Variants in SLC35E4 observed in about 807,000 individuals in gnomAD.
SLC35E4 encodes the protein solute carrier family 35 member E4, also known as solute carrier family 35, member E4.
SLC35E4 carries 15 observed loss-of-function variants against 19.3 expected under a neutral mutation model. The observed-to-expected ratio is 0.78, with a 90% CI of 0.52 to 1.20. SLC35E4 has a LOEUF of 1.20. Ranked by LOEUF, SLC35E4 falls within the 50% of genes most tolerant of loss-of-function variation. The pLI, the probability that SLC35E4 is intolerant of heterozygous loss-of-function variation, is 0.00. For synonymous variants in SLC35E4, 219 were observed against 219.9 expected (o/e 1.00, Z 0.04); for missense variants, 406 against 472.3 (o/e 0.86, Z 1.30).
chr22:30,656,021 G>A (rs1314840863), intron 2 of SLC35E4, among the ~76,000 whole-genome samples: 4 of 151,814 alleles, frequency 2.6e-5, no homozygotes, highest in Non-Finnish European at 4.4e-5. Context: ...TGCTGAGGAC[G>A]CAGTGCAGTG....
At chr22:30,657,274 AAAACACACAC>A in intron 2 of SLC35E4, among the ~76,000 whole-genome samples, 1 of 51,054 alleles carries the variant, frequency 2.0e-5, no homozygotes, top group East Asian at 8.1e-4. Flanking sequence ...GTCTCTACTA[AAAACACACAC>A]ACACACACAC....
In SLC35E4 at chr22:30,636,732, C is replaced by T; in HGVS notation, c.282C>T (p.Cys94=). Residue 94 remains cysteine (C), a synonymous_variant, in exon 1 of 2, where the codon TGC becomes TGT. Transcript: ENST00000343605. ...ACATGCTGGTGGCAGCCCTGGCATGCCACCGGGGGGCACGGCGCCCCATGC... is the reference window on the plus strand; with the variant it reads ...ACATGCTGGTGGCAGCCCTGGCATGTCACCGGGGGGCACGGCGCCCCATGC... The part of the protein sequence containing the change: ...ALHMLVAALA[C]HRGARRPMPG... The T allele has an allele frequency of 6.2e-7, 1 of 1,611,940 alleles. No homozygotes were observed. Among genetic ancestry groups the T allele is most frequent in the Non-Finnish European group, 8.5e-7 (1 of 1,179,260 alleles).
intron 2 of SLC35E4, among the ~76,000 whole-genome samples, chr22:30,656,702 G>C (rs1203462792): frequency 6.6e-6 from 1 of 152,168 alleles, no homozygotes; most frequent in Non-Finnish European, 1.5e-5. Context: ...AGAACAGTGT[G>C]AACTGTTTGG....
At chr22:30,655,623 A>G (rs1481411804) in intron 2 of SLC35E4, among the ~76,000 whole-genome samples, 4 of 152,096 alleles carry the variant, frequency 2.6e-5, no homozygotes, top group African/African-American at 4.8e-5. Context: ...AACTAGCTAG[A>G]AGGAGCCTCA....
Position 30,636,748 on chromosome 22 carries a change from C to A in SLC35E4, c.298C>A (p.Arg100Ser). The A allele has an allele frequency of 6.2e-7, 1 of 1,611,962 alleles. No individual in the cohort carries two copies. Among genetic ancestry groups the A allele is most frequent in the Non-Finnish European group, 8.5e-7 (1 of 1,179,352 alleles). Residue 100 changes from arginine to serine, a missense_variant, in exon 1 of 2, where the codon CGC becomes AGC. Coordinates refer to ENST00000343605, the MANE Select transcript of SLC35E4 (RefSeq NM_001001479.4). ...CCTGGCATGCCACCGGGGGGCACGG[C>A]GCCCCATGCCAGGCGGCACTCGCTG... Reference protein sequence around the residue: ...AALACHRGARRPMPGGTRCRV... With the variant: ...AALACHRGARSPMPGGTRCRV...
chr22:30,642,476 G>T lies in SLC35E4; in HGVS notation c.620-4122G>T, dbSNP rs936409241. 3.9e-4 allele frequency among the ~76,000 whole-genome samples: 59 copies of T among 151,924 alleles called. 1 individual carries two copies. The highest frequency in any genetic ancestry group is 5.9e-4 in the Admixed American group (9 of 15,256). On this transcript the variant is annotated intron_variant, in intron 1 of 1. Coordinates refer to ENST00000343605, the MANE Select transcript of SLC35E4 (RefSeq NM_001001479.4). ...AAGAAGGCTGGGCATGGTGGCTCAC[G>T]CCTGTAATCCCAGCACTTTGGGAAG...
At chr22:30,665,610 G>C, downstream of SLC35E4, 1 of 464,500 alleles carries the variant, frequency 2.2e-6, no homozygotes, top group Non-Finnish European at 4.5e-6. Flanking sequence ...CCTCACGTTT[G>C]ACCAACTCTG....
At chr22:30,648,619 T>C (rs986925177), downstream of SLC35E4, among the ~76,000 whole-genome samples, 5 of 152,150 alleles carry the variant, frequency 3.3e-5, no homozygotes, top group Non-Finnish European at 5.9e-5. Context: ...CCAGGCCTGC[T>C]GGCGTGCACC....
At chr22:30,657,295 ACACAC>A (rs756616243) in intron 2 of SLC35E4, among the ~76,000 whole-genome samples, 1,684 of 151,050 alleles carry the variant, frequency 0.011, 16 homozygotes, top group South Asian at 0.033. Context: ...ACACACACAC[ACACAC>A]ACACACAAAT....
intron 2 of SLC35E4, chr22:30,654,591 A>C: frequency 4.3e-6 from 2 of 463,870 alleles, no homozygotes; most frequent in South Asian, 3.2e-5. Flanking sequence ...GGGACCCGGA[A>C]GTGGTGGGGG....
downstream of SLC35E4, among the ~76,000 whole-genome samples, chr22:30,666,358 A>G (rs2088662733): frequency 6.6e-6 from 1 of 152,124 alleles, no homozygotes; most frequent in African/African-American, 2.4e-5. Context: ...CGGTGGCTTA[A>G]GCCTATAATC....
chr22:30,651,427 ATTTTTTTTTTTTTT>A (rs1160256288), downstream of SLC35E4, among the ~76,000 whole-genome samples: 67 of 22,056 alleles, frequency 3.0e-3, no homozygotes, highest in East Asian at 0.01. Context: ...ATATATATAT[ATTTTTTTTTTTTTT>A]TTTTTTTTTT....
At chr22:30,646,500 C>A in intron 1 of SLC35E4, 98 bp from the exon 2 acceptor site, 2 of 1,401,414 alleles carry the variant, frequency 1.4e-6, no homozygotes, top group Non-Finnish European at 1.9e-6. Context: ...CCGAGGGGTC[C>A]GGGTAGGCTT....
At chr22:30,661,279 C>T (rs2088458692) in intron 2 of SLC35E4, among the ~76,000 whole-genome samples, 1 of 151,984 alleles carries the variant, frequency 6.6e-6, no homozygotes, top group African/African-American at 2.4e-5. Context: ...AAATCTAAAA[C>T]TTTTTGAGAG....
At chr22:30,664,272 GGGGT>G (rs1387035415), downstream of SLC35E4, among the ~76,000 whole-genome samples, 6 of 152,118 alleles carry the variant, frequency 3.9e-5, no homozygotes, top group Non-Finnish European at 8.8e-5. Context: ...TCAGACTCTC[GGGGT>G]GAAGAGCATG....
chr22:30,653,503 G>A (rs1304893131), intron 2 of SLC35E4, among the ~76,000 whole-genome samples: 6 of 151,726 alleles, frequency 4.0e-5, no homozygotes, highest in Admixed American at 2.6e-4. Context: ...TCCTGAGTAG[G>A]TGGAACTACA....
Position 30,647,002 on chromosome 22 carries a change from C to CG in SLC35E4, c.1026dup (p.Arg343GlufsTer24). On this transcript the variant is annotated frameshift_variant, in exon 2 of 2. Coordinates refer to ENST00000343605, the MANE Select transcript of SLC35E4 (RefSeq NM_001001479.4). LOFTEE classifies it high-confidence loss of function. Reference sequence around the variant, plus strand: ...CTGGGCTGCCCGTCGGGGGCTGTGGCGGAGGGACCAGCCCAGCAAGGGTCT... The same window carrying CG: ...CTGGGCTGCCCGTCGGGGGCTGTGGCGGGAGGGACCAGCCCAGCAAGGGTCT... 1 of 1,610,294 alleles carries CG rather than the reference C, an allele frequency of 6.2e-7. No individual in the cohort carries two copies. Among genetic ancestry groups the CG allele is most frequent in the Non-Finnish European group, 8.5e-7 (1 of 1,178,666 alleles).
Position 30,647,175 on chromosome 22 carries a change from A to G in SLC35E4, c.*144A>G. 9.7e-7 allele frequency: 1 copy of G among 1,025,956 alleles called. No individual in the cohort carries two copies. Among genetic ancestry groups the G allele is most frequent in the African/African-American group, 1.6e-5 (1 of 61,722 alleles). 63.6% of individuals were successfully genotyped at this position (1,025,956 alleles called of 1,614,324 possible). ...CACTTCCAGAGTCCGAGGTGGGTGG[A>G]TCACCTGAGGCCAGGAGTTCGAGAC... is the stretch of plus-strand genomic sequence containing the variant. On this transcript the variant is annotated 3_prime_UTR_variant, in exon 2 of 2. Transcript: ENST00000343605.
downstream of SLC35E4, chr22:30,667,841 GAC>G (rs2088736911): frequency 1.3e-5 from 2 of 152,562 alleles, no homozygotes; most frequent in African/African-American, 4.8e-5. Flanking sequence ...GCAGCCGAGA[GAC>G]AGTCTCACCG....
Sources: allele counts gnomAD v4.1 joint callset (sites outside exome capture counted in the v4.1 genomes callset), GRCh38; gene constraint gnomAD v4.1.1; transcripts MANE v1.5; gene names NCBI Gene and HGNC (gene_info 2026-07-23, HGNC 2026-07-21).